The following PDXDC1 variants were observed in gnomAD, a reference collection of about 807,000 sequenced individuals.
PDXDC1 encodes pyridoxal-dependent decarboxylase domain-containing protein 1.
A neutral mutation model predicts 100.1 loss-of-function variants in PDXDC1; 42 were observed. That is an observed-to-expected ratio of 0.42 (90% CI 0.33 to 0.54). PDXDC1 has a LOEUF of 0.54. Among genes scored for constraint, PDXDC1 ranks in the 20% least tolerant of loss-of-function variants. The probability of loss-of-function intolerance (pLI) is 0.10; values close to 1 mark genes in which losing one functional copy is unlikely to be tolerated. For missense variants in PDXDC1, 636 were observed against 979.2 expected (o/e 0.65, Z 4.68); for synonymous variants, 260 against 371.7 (o/e 0.70, Z 3.46).
In PDXDC1 at chr16:15,036,006, C is replaced by T. The variant is rs751943309; in HGVS notation, c.2108-10C>T. The T allele has an allele frequency of 6.8e-6, 11 of 1,606,900 alleles. No homozygotes were observed. The highest frequency in any genetic ancestry group is 9.4e-6 in the Non-Finnish European group (11 of 1,176,256). ...TGAGTTTCAGCGCAGTCTGTCTGCC[C>T]TTTCTGTAGGCCAGAAGCCTTTTAA... On this transcript the variant is annotated splice_polypyrimidine_tract_variant and intron_variant, in intron 22 of 22. Transcript: ENST00000396410.
rs765079660 is a variant in PDXDC1 at position 15,086,396 on chromosome 16, T to C, written c.1400-52483T>C. ...AATACTGATAAGTTGCTCAAAGTCT[T>C]TTGTCAAGTACATGATAGAAGAACG... is the stretch of plus-strand genomic sequence containing the variant. On this transcript the variant is annotated intron_variant, in intron 16 of 16. Coordinates refer to the PDXDC1 transcript ENST00000535621. 6 of 1,613,792 alleles carry C rather than the reference T, an allele frequency of 3.7e-6. No individual in the cohort carries two copies. The highest frequency in any genetic ancestry group is 5.1e-6 in the Non-Finnish European group (6 of 1,179,792).
At chr16:15,143,151 C>T (rs552333168), downstream of PDXDC1, among the ~76,000 whole-genome samples, 25 of 152,262 alleles carry the variant, frequency 1.6e-4, no homozygotes, top group East Asian at 2.3e-3. Context: ...GCCGAGCGTC[C>T]GATCTGGAAG....
intron 16 of PDXDC1, among the ~76,000 whole-genome samples, chr16:15,096,017 G>C (rs1373067630): frequency 6.6e-6 from 1 of 152,094 alleles, no homozygotes; most frequent in Non-Finnish European, 1.5e-5. Flanking sequence ...GGTCAAGGCT[G>C]CAGTGAGCTG....
chr16:15,075,211 G>A (rs1210721243), intron 16 of PDXDC1, among the ~76,000 whole-genome samples: 12 of 148,642 alleles, frequency 8.1e-5, no homozygotes, highest in Admixed American at 7.5e-4. Flanking sequence ...GAGTTCGTGT[G>A]CTCCAGCCTG....
chr16:15,140,271 C>G (rs1026517900), downstream of PDXDC1, among the ~76,000 whole-genome samples: 3 of 150,584 alleles, frequency 2.0e-5, no homozygotes, highest in African/African-American at 7.3e-5. Flanking sequence ...ACGGAGACAC[C>G]CTGTCTCTAC....
chr16:15,035,777 G>C (rs550096158), intron 22 of PDXDC1, among the ~76,000 whole-genome samples: 2 of 152,266 alleles, frequency 1.3e-5, no homozygotes, highest in Admixed American at 6.5e-5. Context: ...TGTCACTGTG[G>C]TGTTTACCCT....
At chr16:15,065,207 A>C (rs2044914114) in intron 16 of PDXDC1, 1 of 1,585,086 alleles carries the variant, frequency 6.3e-7, no homozygotes, top group South Asian at 1.2e-5. Context: ...GTCAATGTTT[A>C]AAAGTACCTA....
At chr16:15,034,590 C>T (rs2043283302) in intron 21 of PDXDC1, 37 bp downstream of exon 21, 2 of 1,509,014 alleles carry the variant, frequency 1.3e-6, no homozygotes, top group Non-Finnish European at 1.8e-6. Context: ...TCTTGCTGAC[C>T]TTGGGAGGTT....
At chr16:15,028,342 T>C (rs1260049711) in intron 14 of PDXDC1, among the ~76,000 whole-genome samples, 2 of 152,302 alleles carry the variant, frequency 1.3e-5, no homozygotes, top group African/African-American at 4.8e-5. Context: ...CTGCCTATCG[T>C]GCCTGAGGGG....
chr16:15,052,337 C>T (rs1012797701), intron 16 of PDXDC1, among the ~76,000 whole-genome samples: 3 of 152,076 alleles, frequency 2.0e-5, no homozygotes, highest in African/African-American at 7.2e-5. Context: ...ATATAAAGAC[C>T]ATTCTTGGCC....
chr16:15,079,031 C>T (rs1195315183), intron 16 of PDXDC1, among the ~76,000 whole-genome samples: 4 of 152,062 alleles, frequency 2.6e-5, no homozygotes, highest in African/African-American at 7.2e-5. Flanking sequence ...AGGATGGTCT[C>T]GATCTCCTGA....
rs1218475272 is a variant in PDXDC1 at position 15,035,618 on chromosome 16, G to A, written c.2107+65G>A. The A allele has an allele frequency of 5.5e-6, 5 of 904,970 alleles. No individual in the cohort carries two copies. The East Asian group carries it at 1.4e-4, about 25-fold the overall frequency. The allele number at this position is 904,970 out of a possible 1,614,324, so 56.1% of individuals were successfully genotyped here. A position where few individuals can be genotyped will look rare whatever the true frequency, so the allele number is the denominator to read the frequency against. ...CCCCTGTTGACTGTTACTTGCGTTTGTTTTCTGGGTTCTTGAACTCCAGAG... is the reference window on the plus strand; with the variant it reads ...CCCCTGTTGACTGTTACTTGCGTTTATTTTCTGGGTTCTTGAACTCCAGAG... On this transcript the variant is annotated intron_variant, in intron 22 of 22. Transcript: ENST00000396410.
intron 3 of PDXDC1, among the ~76,000 whole-genome samples, chr16:15,000,170 CA>C (rs1184751653): frequency 1.3e-5 from 2 of 152,284 alleles, no homozygotes; most frequent in Non-Finnish European, 2.9e-5. Flanking sequence ...CTCCTAATTC[CA>C]CGGAAGTTTT....
intron 19 of PDXDC1, 74 bp downstream of exon 19, chr16:15,033,473 C>T: frequency 6.6e-7 from 1 of 1,516,740 alleles, no homozygotes; most frequent in South Asian, 1.1e-5. Flanking sequence ...ACGAGGAAAG[C>T]AGCTGCCCTT....
At chr16:15,077,835 A>G (rs1418675330) in intron 16 of PDXDC1, among the ~76,000 whole-genome samples, 2 of 152,190 alleles carry the variant, frequency 1.3e-5, no homozygotes, top group African/African-American at 4.8e-5. Flanking sequence ...GCGAGACACC[A>G]TCTCAAACAA....
chr16:15,144,969 T>G, the PDXDC1 span, among the ~76,000 whole-genome samples: 1 of 152,138 alleles, frequency 6.6e-6, no homozygotes, highest in South Asian at 2.1e-4. Flanking sequence ...ACAGCTGACA[T>G]GGAGCCAGGC....
In PDXDC1 at chr16:15,038,004, G is replaced by C. The variant is rs774470524; in HGVS notation, c.*1729G>C. 1.9e-5 allele frequency: 30 copies of C among 1,578,966 alleles called. No individual in the cohort carries two copies. In the Admixed American group the frequency reaches 4.3e-4, roughly 23 times the overall value. ...CACCAATGGTCTGTCAGGCCAAGAA[G>C]GTGCTTTCTTTGGTAATTCATGTTT... On this transcript the variant is annotated 3_prime_UTR_variant, in exon 23 of 23. Coordinates refer to ENST00000396410, the MANE Select transcript of PDXDC1 (RefSeq NM_015027.4).
chr16:15,140,158 G>C (rs923311759), downstream of PDXDC1, among the ~76,000 whole-genome samples: 3 of 149,484 alleles, frequency 2.0e-5, no homozygotes, highest in East Asian at 2.0e-4. Flanking sequence ...AGGAGAAGGG[G>C]AAAGAGCCGG....
At chr16:15,072,125 G>A (rs1007256269) in intron 16 of PDXDC1, among the ~76,000 whole-genome samples, 6 of 152,034 alleles carry the variant, frequency 3.9e-5, no homozygotes, top group African/African-American at 9.7e-5. Flanking sequence ...CTAAAGCTAG[G>A]CACACCCATG....
Sources: gnomAD v4.1 joint callset for allele counts (sites outside exome capture counted in the v4.1 genomes callset) on GRCh38, gnomAD v4.1.1 for gene constraint, MANE v1.5 for transcripts, NCBI Gene and HGNC (gene_info 2026-07-23, HGNC 2026-07-21) for gene names.